The following GPC6 variants were observed in gnomAD, a reference collection of about 807,000 sequenced individuals.
GPC6 encodes the protein glypican 6, also known as glypican-6.
In GPC6, 14 loss-of-function variants were observed where a neutral mutation model predicts 55.2. The observed-to-expected ratio is 0.25, with a 90% CI of 0.17 to 0.40. The LOEUF (loss-of-function observed/expected upper bound fraction) is 0.40, where lower values mean the gene tolerates loss of function less well. Ranked by LOEUF, GPC6 falls within the 10% of genes least tolerant of loss-of-function variation. The pLI, the probability that GPC6 is intolerant of heterozygous loss-of-function variation, is 1.00. For synonymous variants in GPC6, 278 were observed against 259.6 expected, an observed-to-expected ratio of 1.07 and a Z score of -0.68; for missense variants, 641 against 708.5, an observed-to-expected ratio of 0.90 and a Z score of 1.08.
intron 1 of GPC6, among the ~76,000 whole-genome samples, chr13:93,411,102 T>C (rs1011556500): frequency 2.6e-5 from 4 of 152,220 alleles, no homozygotes; most frequent in African/African-American, 4.8e-5. Flanking sequence ...ATTACATTTT[T>C]AGTTAAGATA....
intron 3 of GPC6, among the ~76,000 whole-genome samples, chr13:94,008,374 A>G (rs769248234): frequency 1.3e-5 from 2 of 152,192 alleles, no homozygotes; most frequent in Admixed American, 6.5e-5. Flanking sequence ...TAAAATTTTT[A>G]TCATAAGTTT....
chr13:94,104,138 G>A (rs1041765116), intron 4 of GPC6, among the ~76,000 whole-genome samples: 5 of 152,122 alleles, frequency 3.3e-5, no homozygotes, highest in Non-Finnish European at 5.9e-5. Context: ...TATTAAATAG[G>A]GAATTGTTTC....
chr13:93,483,240 AT>A (rs778505782), intron 1 of GPC6, among the ~76,000 whole-genome samples: 2 of 152,174 alleles, frequency 1.3e-5, no homozygotes, highest in Non-Finnish European at 2.9e-5. Context: ...GTATCATTTT[AT>A]TAGAAATTGG....
chr13:93,439,994 G>C (rs1261409613), intron 1 of GPC6, among the ~76,000 whole-genome samples: 1 of 152,186 alleles, frequency 6.6e-6, no homozygotes, highest in Non-Finnish European at 1.5e-5. Flanking sequence ...GCTTAGTACA[G>C]TGTGTGGCAC....
intron 1 of GPC6, among the ~76,000 whole-genome samples, chr13:93,422,829 C>T (rs1876971028): frequency 6.6e-6 from 1 of 152,122 alleles, no homozygotes; most frequent in Admixed American, 6.6e-5. Flanking sequence ...AAAAGGTCTT[C>T]TTTGTCTGCT....
chr13:93,574,716 G>A (rs1876575080), intron 2 of GPC6, among the ~76,000 whole-genome samples: 1 of 152,106 alleles, frequency 6.6e-6, no homozygotes, highest in Non-Finnish European at 1.5e-5. Context: ...AGGTTGGTTT[G>A]CTGTCAATGC....
chr13:93,870,674 T>C (rs1889103737), intron 3 of GPC6, among the ~76,000 whole-genome samples: 1 of 151,698 alleles, frequency 6.6e-6, no homozygotes, highest in Non-Finnish European at 1.5e-5. Flanking sequence ...TCCAATATGA[T>C]TGGTATCTTT....
At chr13:93,681,120 C>T (rs1413215632) in intron 2 of GPC6, among the ~76,000 whole-genome samples, 2 of 151,942 alleles carry the variant, frequency 1.3e-5, no homozygotes, top group Non-Finnish European at 2.9e-5. Flanking sequence ...GTGTTTCTTT[C>T]GATCTTGATA....
chr13:94,375,348 T>TA (rs1202960915), intron 6 of GPC6, among the ~76,000 whole-genome samples: 9 of 151,678 alleles, frequency 5.9e-5, no homozygotes, highest in Admixed American at 5.2e-4. Context: ...GTAGACACAA[T>TA]AAAAAAATAA....
intron 4 of GPC6, among the ~76,000 whole-genome samples, chr13:94,260,018 C>G (rs1891613140): frequency 6.6e-6 from 1 of 152,166 alleles, no homozygotes; most frequent in Non-Finnish European, 1.5e-5. Context: ...ATAGTATCTA[C>G]TTAAGTCCCT....
chr13:93,747,138 G>A (rs141945926), intron 2 of GPC6, among the ~76,000 whole-genome samples: 4 of 152,300 alleles, frequency 2.6e-5, no homozygotes, highest in Middle Eastern at 3.4e-3. Flanking sequence ...TGAACTGGCA[G>A]AAGAAAGAAG....
At chr13:93,279,734 A>G (rs758843211) in intron 1 of GPC6, among the ~76,000 whole-genome samples, 13 of 152,210 alleles carry the variant, frequency 8.5e-5, no homozygotes, top group Non-Finnish European at 1.6e-4. Flanking sequence ...ATATAACTCT[A>G]CTTACTAGTG....
intron 4 of GPC6, among the ~76,000 whole-genome samples, chr13:94,277,596 T>G (rs1892253526): frequency 6.6e-6 from 1 of 152,180 alleles, no homozygotes; most frequent in East Asian, 1.9e-4. Flanking sequence ...CCATCTTGAG[T>G]TAATTTTTGT....
rs564041941 is a variant in GPC6, at chr13:94,011,534, C to T, written c.712-16195C>T. On this transcript the variant is annotated intron_variant, in intron 3 of 8. Coordinates refer to ENST00000377047, the MANE Select transcript of GPC6 (RefSeq NM_005708.5). The stretch of plus-strand genomic sequence containing the variant: ...ATACTGAAAATACTGAAAGGCACCA[C>T]ATGCCCAGTAATCCTACTTAGACTT... 6.6e-5 allele frequency among the ~76,000 whole-genome samples: 10 copies of T among 152,276 alleles called. No homozygotes were observed. The South Asian group carries it at 1.5e-3, about 22-fold the overall frequency.
intron 4 of GPC6, among the ~76,000 whole-genome samples, chr13:94,209,021 A>G (rs1339178983): frequency 2.0e-5 from 3 of 152,234 alleles, no homozygotes; most frequent in African/African-American, 7.2e-5. Flanking sequence ...TATTCATTAC[A>G]TGTATTATTT....
chr13:94,327,710 G>A (rs561197675), intron 6 of GPC6, among the ~76,000 whole-genome samples: 5 of 152,304 alleles, frequency 3.3e-5, no homozygotes, highest in African/African-American at 9.6e-5. Context: ...GTATTTTTGT[G>A]AGAGGTTTTT....
chr13:93,695,083 T>G (rs983613059), intron 2 of GPC6, among the ~76,000 whole-genome samples: 1 of 152,128 alleles, frequency 6.6e-6, no homozygotes, highest in African/African-American at 2.4e-5. Flanking sequence ...ATAATCAAGC[T>G]TGTTCAATTA....
At chr13:94,211,264 A>G (rs1230336261) in intron 4 of GPC6, among the ~76,000 whole-genome samples, 2 of 152,168 alleles carry the variant, frequency 1.3e-5, no homozygotes, top group Non-Finnish European at 2.9e-5. Context: ...ATAACAAATG[A>G]ATCTTTTGAG....
chr13:93,317,719 G>T (rs903990349), intron 1 of GPC6, among the ~76,000 whole-genome samples: 13 of 152,088 alleles, frequency 8.5e-5, no homozygotes, highest in Admixed American at 8.5e-4. Context: ...TTCTTAATTG[G>T]TTTTGTTAAA....
Sources: gnomAD v4.1 joint callset for allele counts (sites outside exome capture counted in the v4.1 genomes callset) on GRCh38, gnomAD v4.1.1 for gene constraint, MANE v1.5 for transcripts, NCBI Gene and HGNC (gene_info 2026-07-23, HGNC 2026-07-21) for gene names.